The following ZBTB20 variants were observed in gnomAD, a reference collection of about 807,000 sequenced individuals.
ZBTB20 encodes zinc finger and BTB domain-containing protein 20.
ZBTB20 carries 9 observed loss-of-function variants against 56.9 expected under a neutral mutation model. The observed-to-expected ratio is 0.16, with a 90% confidence interval of 0.10 to 0.28. The LOEUF is 0.28. Among genes scored for constraint, ZBTB20 ranks in the 10% least tolerant of loss-of-function variants. ZBTB20 has a pLI of 1.00. For synonymous variants in ZBTB20, 417 were observed against 420.7 expected (o/e 0.99, Z 0.11); for missense variants, 655 against 1,003.0 (o/e 0.65, Z 4.69).
At chr3:115,023,313 A>G (rs1024501893) in intron 2 of ZBTB20, among the ~76,000 whole-genome samples, 1 of 150,974 alleles carries the variant, frequency 6.6e-6, no homozygotes, top group Non-Finnish European at 1.5e-5. Context: ...GCTTGTTTCA[A>G]CTTTGCTGGC....
chr3:114,387,703 A>ATT lies in ZBTB20; in HGVS notation c.-154+1301_-154+1302insAA, dbSNP rs2085321870. On this transcript the variant is annotated intron_variant, in intron 8 of 11. Transcript: ENST00000675478. The stretch of plus-strand genomic sequence containing the variant: ...ACTCTGTGATGAAGAAAAACTCAGA[A>ATT]AACTATCCAGATGTGGGAATTTCTC... 4 of 152,346 alleles carry ATT rather than the reference A, an allele frequency of 2.6e-5. No individual in the cohort carries two copies. The South Asian group carries it at 8.3e-4, about 32-fold the overall frequency. The allele number at this position is 152,346 out of a possible 1,614,324, so 9.4% of individuals were successfully genotyped here. A position where few individuals can be genotyped will look rare whatever the true frequency, so the allele number is the denominator to read the frequency against.
At chr3:114,477,951 C>T (rs1402744536) in intron 7 of ZBTB20, among the ~76,000 whole-genome samples, 4 of 130,350 alleles carry the variant, frequency 3.1e-5, no homozygotes, top group African/African-American at 1.1e-4. Context: ...CTCTCTCTCC[C>T]TCCCACCCTC....
chr3:114,378,396 T>C (rs144726505), intron 10 of ZBTB20, among the ~76,000 whole-genome samples: 7 of 152,334 alleles, frequency 4.6e-5, no homozygotes, highest in Non-Finnish European at 1.0e-4. Context: ...TTTCTCCTCC[T>C]GGTTTGTTTT....
intron 1 of ZBTB20, among the ~76,000 whole-genome samples, chr3:115,081,859 T>C (rs923325819): frequency 2.0e-5 from 3 of 152,196 alleles, no homozygotes; most frequent in South Asian, 2.1e-4. Context: ...AAGCATGATA[T>C]AGATTCTTTA....
chr3:114,524,764 G>A (rs1024067734), intron 6 of ZBTB20, among the ~76,000 whole-genome samples: 1 of 151,980 alleles, frequency 6.6e-6, no homozygotes, highest in African/African-American at 2.4e-5. Context: ...CCAGGCTGGA[G>A]TGCACAGTCA....
chr3:114,596,976 C>G (rs2056366045), intron 6 of ZBTB20, among the ~76,000 whole-genome samples: 1 of 152,142 alleles, frequency 6.6e-6, no homozygotes, highest in African/African-American at 2.4e-5. Flanking sequence ...CTTCAACAAA[C>G]TATTTCTGAG....
chr3:115,007,401 TTA>T (rs898645958), intron 2 of ZBTB20, among the ~76,000 whole-genome samples: 2 of 151,798 alleles, frequency 1.3e-5, no homozygotes, highest in African/African-American at 2.4e-5. Context: ...ACAATGTGTT[TTA>T]TGTGTTTTTT....
intron 2 of ZBTB20, among the ~76,000 whole-genome samples, chr3:115,007,095 C>T (rs1291693451): frequency 6.6e-6 from 1 of 151,772 alleles, no homozygotes; most frequent in Admixed American, 6.6e-5. Context: ...TTCTACTTCT[C>T]ATTGTGCAAA....
intron 2 of ZBTB20, among the ~76,000 whole-genome samples, chr3:115,008,945 C>G (rs565639235): frequency 6.6e-6 from 1 of 151,996 alleles, no homozygotes; most frequent in South Asian, 2.1e-4. Flanking sequence ...TGCTCACAAA[C>G]CATGAATATT....
rs569675826 is a variant in ZBTB20, at chr3:115,068,621, C to G, written c.-507+2598G>C. Among the ~76,000 whole-genome samples, 13 of 152,084 alleles carry G rather than the reference C, an allele frequency of 8.5e-5. No individual in the cohort carries two copies. The East Asian group carries it at 2.3e-3, about 27-fold the overall frequency. Reference sequence around the variant, plus strand: ...TGATTGTATTTCTTTTATCCAAAAGCTTCACGACAGGTAAAGATAGACTAT... The same window carrying G: ...TGATTGTATTTCTTTTATCCAAAAGGTTCACGACAGGTAAAGATAGACTAT... On this transcript the variant is annotated intron_variant, in intron 2 of 11. Coordinates refer to ENST00000675478, the MANE Select transcript of ZBTB20 (RefSeq NM_001348800.3).
chr3:114,828,943 G>A (rs1172279408), intron 4 of ZBTB20, among the ~76,000 whole-genome samples: 3 of 151,834 alleles, frequency 2.0e-5, no homozygotes, highest in Non-Finnish European at 4.4e-5. Flanking sequence ...ATAAAGATGT[G>A]TTTTAAATGC....
intron 6 of ZBTB20, among the ~76,000 whole-genome samples, chr3:114,515,130 G>A (rs910728039): frequency 6.6e-6 from 1 of 152,170 alleles, no homozygotes; most frequent in African/African-American, 2.4e-5. Context: ...TCTGAGACCT[G>A]TCGCATAAGA....
intron 4 of ZBTB20, among the ~76,000 whole-genome samples, chr3:114,829,385 T>C (rs1156622106): frequency 6.6e-6 from 1 of 151,826 alleles, no homozygotes. Flanking sequence ...CAAACACAGG[T>C]CAATGTTTGC....
At chr3:114,612,690 A>T (rs1277040252) in intron 6 of ZBTB20, among the ~76,000 whole-genome samples, 1 of 152,198 alleles carries the variant, frequency 6.6e-6, no homozygotes, top group Non-Finnish European at 1.5e-5. Flanking sequence ...TCCAGTAAAA[A>T]TTGACATTAA....
chr3:114,332,058 G>GTTTTTT lies in ZBTB20; in HGVS notation c.*6941_*6946dup, dbSNP rs71146316. ...ACTAGTAGAAACAGATGCCCCCAAG[G>GTTTTTT]TTTTTTTTTTTTTTTTTTTTTTTTT... On this transcript the variant is annotated 3_prime_UTR_variant, in exon 12 of 12. Coordinates refer to ENST00000675478, the MANE Select transcript of ZBTB20 (RefSeq NM_001348800.3). The GTTTTTT allele has an allele frequency of 4.7e-5, 4 of 85,400 alleles. No homozygotes were observed. The highest frequency in any genetic ancestry group is 6.8e-5 in the Non-Finnish European group (3 of 44,038). The allele number at this position is 85,400 out of a possible 1,614,324, so 5.3% of individuals were successfully genotyped here. A position where few individuals can be genotyped will look rare whatever the true frequency, so the allele number is the denominator to read the frequency against.
intron 6 of ZBTB20, among the ~76,000 whole-genome samples, chr3:114,665,496 G>C (rs2060996508): frequency 6.6e-6 from 1 of 152,004 alleles, no homozygotes; most frequent in Non-Finnish European, 1.5e-5. Context: ...ACCTAGGAAA[G>C]GGACTTAAAG....
intron 8 of ZBTB20, chr3:114,388,668 A>T (rs1296723103): frequency 1.3e-5 from 2 of 152,408 alleles, no homozygotes; most frequent in Admixed American, 6.5e-5. Flanking sequence ...AGTGGCACGG[A>T]AGGATGATGA....
Position 114,316,273 on chromosome 3 carries a change from T to C in ZBTB20, c.*22732A>G, listed in dbSNP as rs1375673438. The C allele has an allele frequency of 2.1e-5, 7 of 336,340 alleles. No individual in the cohort carries two copies. The highest frequency in any genetic ancestry group is 3.9e-5 in the Non-Finnish European group (7 of 180,038). The allele number at this position is 336,340 out of a possible 1,614,324, so 20.8% of individuals were successfully genotyped here. A position where few individuals can be genotyped will look rare whatever the true frequency, so the allele number is the denominator to read the frequency against. On this transcript the variant is annotated 3_prime_UTR_variant, in exon 12 of 12. Transcript: ENST00000675478. ...CTTTTTCACTAACACTGTTCCTTTT[T>C]TTCCTTGTTACAATCCATTCTTTAT...
chr3:114,441,561 GCACCT>G (rs1319167799), intron 7 of ZBTB20, among the ~76,000 whole-genome samples: 5 of 152,050 alleles, frequency 3.3e-5, no homozygotes, highest in African/African-American at 1.2e-4. Context: ...ATCCCATCAA[GCACCT>G]CATCTGCAGT....
Sources: gnomAD v4.1 joint callset for allele counts (sites outside exome capture counted in the v4.1 genomes callset) on GRCh38, gnomAD v4.1.1 for gene constraint, MANE v1.5 for transcripts, NCBI Gene and HGNC (gene_info 2026-07-23, HGNC 2026-07-21) for gene names.